The following GSK3B variants were observed in gnomAD, a reference collection of about 807,000 sequenced individuals.
The protein encoded by GSK3B is glycogen synthase kinase-3 beta.
Under a neutral mutation model 56.4 loss-of-function variants are expected in GSK3B, and 15 were observed. The ratio of observed to expected loss-of-function variants is 0.27; its 90% CI spans 0.18 to 0.41. The LOEUF (loss-of-function observed/expected upper bound fraction) is 0.41. Among genes scored for constraint, GSK3B ranks in the 10% least tolerant of loss-of-function variants. The pLI, the probability that GSK3B is intolerant of heterozygous loss-of-function variation, is 1.00. For synonymous variants in GSK3B, 181 were observed against 188.9 expected (o/e 0.96, Z 0.34); for missense variants, 300 against 513.4 (o/e 0.58, Z 4.02).
rs1454010716 is a variant in GSK3B at position 120,093,441 on chromosome 3, TC to T, written c.-8del. ...TTCTGGGCCGCCCTGACATGATCACTCTCTTCGCGAATCACCTTTTCCTTCC... is the reference window on the plus strand; with the variant it reads ...TTCTGGGCCGCCCTGACATGATCACTTCTTCGCGAATCACCTTTTCCTTCC... On this transcript the variant is annotated 5_prime_UTR_variant, in exon 1 of 11. Transcript: ENST00000264235. 6.3e-7 allele frequency: 1 copy of T among 1,595,186 alleles called. No homozygotes were observed. Among genetic ancestry groups the T allele is most frequent in the Admixed American group, 1.7e-5 (1 of 59,922 alleles).
chr3:120,088,783 A>T (rs2058487064), intron 1 of GSK3B, among the ~76,000 whole-genome samples: 1 of 152,248 alleles, frequency 6.6e-6, no homozygotes, highest in African/African-American at 2.4e-5. Context: ...CACCCACACA[A>T]GCGTTCTGCC....
At chr3:119,941,261 C>T (rs1476496122) in intron 3 of GSK3B, among the ~76,000 whole-genome samples, 1 of 152,164 alleles carries the variant, frequency 6.6e-6, no homozygotes, top group Admixed American at 6.5e-5. Flanking sequence ...AGGAGATTCA[C>T]CCGCCTCGGC....
chr3:119,954,726 T>C (rs1192930186), intron 2 of GSK3B, among the ~76,000 whole-genome samples: 1 of 152,158 alleles, frequency 6.6e-6, no homozygotes, highest in East Asian at 1.9e-4. Flanking sequence ...TATCCACCTC[T>C]AGAGTAGACA....
chr3:120,041,440 A>C, intron 1 of GSK3B: 1 of 267,846 alleles, frequency 3.7e-6, no homozygotes, highest in Non-Finnish European at 8.0e-6. Flanking sequence ...CATATCATGC[A>C]TACCTTCAAA....
chr3:120,075,307 T>G (rs1401750968), intron 1 of GSK3B, among the ~76,000 whole-genome samples: 1 of 152,134 alleles, frequency 6.6e-6, no homozygotes, highest in South Asian at 2.1e-4. Flanking sequence ...ACTTTTCCTC[T>G]AAGACCTGAT....
chr3:120,057,554 G>A (rs985980081), intron 1 of GSK3B, among the ~76,000 whole-genome samples: 10 of 152,152 alleles, frequency 6.6e-5, no homozygotes, highest in Non-Finnish European at 1.2e-4. Flanking sequence ...GTATATATTA[G>A]TTATCATCTG....
At chr3:119,840,424 A>G (rs1391495413) in intron 10 of GSK3B, among the ~76,000 whole-genome samples, 1 of 152,034 alleles carries the variant, frequency 6.6e-6, no homozygotes, top group East Asian at 1.9e-4. Flanking sequence ...GGGTATCTCC[A>G]CGTTGGTCAG....
chr3:120,060,013 A>T (rs866094066), intron 1 of GSK3B, among the ~76,000 whole-genome samples: 1 of 152,226 alleles, frequency 6.6e-6, no homozygotes, highest in Non-Finnish European at 1.5e-5. Flanking sequence ...TATGCCAGGC[A>T]TTACCCTGAA....
At chr3:119,831,813 A>C (rs2055605648) in intron 10 of GSK3B, among the ~76,000 whole-genome samples, 1 of 152,198 alleles carries the variant, frequency 6.6e-6, no homozygotes, top group African/African-American at 2.4e-5. Context: ...GCTTCCTATA[A>C]ACCAATGCCC....
intron 8 of GSK3B, among the ~76,000 whole-genome samples, chr3:119,866,844 T>G (rs1225229514): frequency 6.6e-6 from 1 of 152,116 alleles, no homozygotes. Context: ...GCAAAAAAAT[T>G]TTTTTTGATT....
At chr3:119,945,350 A>T (rs925826876) in intron 3 of GSK3B, among the ~76,000 whole-genome samples, 12 of 152,232 alleles carry the variant, frequency 7.9e-5, no homozygotes, top group African/African-American at 2.7e-4. Flanking sequence ...AAGTTCTGAC[A>T]TAAAGAAAAT....
intron 9 of GSK3B, among the ~76,000 whole-genome samples, chr3:119,858,928 C>T (rs953868422): frequency 1.3e-4 from 6 of 46,690 alleles, no homozygotes; most frequent in Non-Finnish European, 3.1e-4. Context: ...TTGGGACACA[C>T]ACATTGATCA....
chr3:120,090,206 G>A (rs1315984692), intron 1 of GSK3B, among the ~76,000 whole-genome samples: 1 of 149,402 alleles, frequency 6.7e-6, no homozygotes, highest in African/African-American at 2.5e-5. Context: ...CAGGTTTCAA[G>A]TGTGAGGCTT....
intron 4 of GSK3B, among the ~76,000 whole-genome samples, chr3:119,922,769 T>C (rs373812589): frequency 6.6e-6 from 1 of 152,118 alleles, no homozygotes. Context: ...GTTTTCACAA[T>C]GCCATAGTTA....
At chr3:119,941,473 G>A (rs2057048566) in intron 3 of GSK3B, among the ~76,000 whole-genome samples, 1 of 152,204 alleles carries the variant, frequency 6.6e-6, no homozygotes, top group East Asian at 1.9e-4. Context: ...ACTACTTGGA[G>A]CTGACGCCCA....
chr3:119,858,969 A>C (rs536303579), intron 9 of GSK3B, among the ~76,000 whole-genome samples: 27 of 152,222 alleles, frequency 1.8e-4, no homozygotes, highest in African/African-American at 6.0e-4. Flanking sequence ...CAAAACAATC[A>C]CAATAGTAAC....
chr3:119,843,002 G>A (rs192311054), intron 10 of GSK3B, among the ~76,000 whole-genome samples: 1 of 151,562 alleles, frequency 6.6e-6, no homozygotes, highest in African/African-American at 2.4e-5. Flanking sequence ...TGCAACCTCC[G>A]CCTCCCGGTT....
intron 7 of GSK3B, among the ~76,000 whole-genome samples, chr3:119,881,394 C>A (rs888089107): frequency 1.3e-5 from 2 of 152,140 alleles, no homozygotes; most frequent in Admixed American, 1.3e-4. Context: ...AGTAATTCTT[C>A]TAGCTCTAAT....
intron 1 of GSK3B, among the ~76,000 whole-genome samples, chr3:120,049,696 T>C (rs1345077131): frequency 2.0e-5 from 3 of 152,144 alleles, no homozygotes; most frequent in Non-Finnish European, 4.4e-5. Flanking sequence ...TGATCAGACT[T>C]CTGAATGTTT....
Sources: gnomAD v4.1 joint callset for allele counts (sites outside exome capture counted in the v4.1 genomes callset) on GRCh38, gnomAD v4.1.1 for gene constraint, MANE v1.5 for transcripts, NCBI Gene and HGNC (gene_info 2026-07-23, HGNC 2026-07-21) for gene names.